Variants in SRBD1 observed in about 807,000 individuals in gnomAD.
SRBD1 encodes the protein S1 RNA binding domain 1, also known as S1 RNA-binding domain-containing protein 1.
Under a neutral mutation model 115.3 loss-of-function variants are expected in SRBD1, and 88 were observed. The ratio of observed to expected loss-of-function variants is 0.76; its 90% CI spans 0.64 to 0.91. The LOEUF (loss-of-function observed/expected upper bound fraction) is 0.91. Ranked by LOEUF, SRBD1 falls within the 40% of genes least tolerant of loss-of-function variation. SRBD1 has a pLI of 0.00. For missense variants in SRBD1, 1,385 were observed against 1,177.4 expected (o/e 1.18, Z -2.58); for synonymous variants, 509 against 407.7 (o/e 1.25, Z -2.99).
intron 16 of SRBD1, among the ~76,000 whole-genome samples, chr2:45,431,331 T>C (rs975983493): frequency 6.6e-6 from 1 of 152,104 alleles, no homozygotes; most frequent in Non-Finnish European, 1.5e-5. Context: ...TAAAGACACA[T>C]GCACACGTAT....
chr2:45,389,617 T>C lies in SRBD1; in HGVS notation c.2699-18A>G, dbSNP rs751296456. 7 of 1,604,746 alleles carry C rather than the reference T, an allele frequency of 4.4e-6. No homozygotes were observed. The highest frequency in any genetic ancestry group is 2.2e-5 in the East Asian group (1 of 44,772). ...ATCAAAATCTGTAAGAGAAAAAAAGTAAGTGTAAATAAGGCATTGTACTTC... is the reference window on the plus strand; with the variant it reads ...ATCAAAATCTGTAAGAGAAAAAAAGCAAGTGTAAATAAGGCATTGTACTTC... On this transcript the variant is annotated intron_variant, in intron 20 of 20. Transcript: ENST00000263736.
At chr2:45,418,850 C>G (rs925352045) in intron 17 of SRBD1, among the ~76,000 whole-genome samples, 3 of 152,058 alleles carry the variant, frequency 2.0e-5, no homozygotes, top group African/African-American at 7.2e-5. Flanking sequence ...ATTCACATTC[C>G]TTATGTTTCT....
At chr2:45,556,981 AAAAG>A (rs1031253196) in intron 10 of SRBD1, among the ~76,000 whole-genome samples, 4 of 152,194 alleles carry the variant, frequency 2.6e-5, no homozygotes, top group Admixed American at 2.0e-4. Flanking sequence ...AAGACTTCCC[AAAAG>A]AAACATCTGA....
chr2:45,392,030 A>G (rs1322707325), intron 20 of SRBD1, among the ~76,000 whole-genome samples: 2 of 152,138 alleles, frequency 1.3e-5, no homozygotes, highest in Non-Finnish European at 2.9e-5. Flanking sequence ...TGTCTGCTGA[A>G]ACATCCACAT....
Position 45,529,194 on chromosome 2 carries a change from G to C in SRBD1, c.1874+17538C>G, listed in dbSNP as rs550116168. ...AATGACAAAAAAGGATTCTGTGCAT[G>C]CACTAGATTTTGGAGACAAATATCC... On this transcript the variant is annotated intron_variant, in intron 14 of 20. Transcript: ENST00000263736. Among the ~76,000 whole-genome samples the C allele has an allele frequency of 1.4e-4, 21 of 151,962 alleles. No homozygotes were observed. In the South Asian group the frequency reaches 1.5e-3, roughly 11 times the overall value.
At chr2:45,490,363 A>G (rs1387643343) in intron 14 of SRBD1, among the ~76,000 whole-genome samples, 1 of 152,276 alleles carries the variant, frequency 6.6e-6, no homozygotes, top group Non-Finnish European at 1.5e-5. Context: ...AGCTGGTTCT[A>G]GCATTCATTG....
At chr2:45,419,135 A>C (rs970833239) in intron 17 of SRBD1, among the ~76,000 whole-genome samples, 1 of 152,228 alleles carries the variant, frequency 6.6e-6, no homozygotes, top group Non-Finnish European at 1.5e-5. Flanking sequence ...GAAATTATGA[A>C]ATGTTTGTAG....
chr2:45,479,325 T>A (rs1237705403), intron 15 of SRBD1, among the ~76,000 whole-genome samples: 2 of 152,036 alleles, frequency 1.3e-5, no homozygotes, highest in African/African-American at 2.4e-5. Flanking sequence ...TCAAAAGACA[T>A]GTTGAAAGCC....
intron 19 of SRBD1, among the ~76,000 whole-genome samples, chr2:45,411,603 A>G (rs1439718787): frequency 6.6e-6 from 1 of 152,126 alleles, no homozygotes; most frequent in Non-Finnish European, 1.5e-5. Flanking sequence ...GATAATAGAA[A>G]TGTTCCTGAT....
intron 15 of SRBD1, among the ~76,000 whole-genome samples, chr2:45,479,329 G>A (rs531782586): frequency 1.3e-5 from 2 of 152,212 alleles, no homozygotes; most frequent in East Asian, 1.9e-4. Flanking sequence ...AAGACATGTT[G>A]AAAGCCAAGA....
intron 16 of SRBD1, among the ~76,000 whole-genome samples, chr2:45,428,394 CA>C (rs1441604410): frequency 1.3e-5 from 2 of 152,090 alleles, no homozygotes; most frequent in African/African-American, 4.8e-5. Flanking sequence ...ACTAAAAAGA[CA>C]AAAAAGTTAG....
At chr2:45,485,749 A>T (rs929576537) in intron 15 of SRBD1, among the ~76,000 whole-genome samples, 2 of 152,212 alleles carry the variant, frequency 1.3e-5, no homozygotes, top group Admixed American at 1.3e-4. Flanking sequence ...ACTTAAAGGT[A>T]AAAAATCCAC....
At chr2:45,470,122 T>C (rs1468142903) in intron 16 of SRBD1, among the ~76,000 whole-genome samples, 2 of 152,226 alleles carry the variant, frequency 1.3e-5, no homozygotes, top group East Asian at 1.9e-4. Context: ...TTTAAAAGAT[T>C]TGAGCAAACA....
chr2:45,391,568 T>G (rs1447507762), intron 20 of SRBD1, among the ~76,000 whole-genome samples: 1 of 152,180 alleles, frequency 6.6e-6, no homozygotes, highest in Non-Finnish European at 1.5e-5. Context: ...TTCTCAGACA[T>G]TTTGAAAATT....
At chr2:45,559,815 T>C (rs559465336) in intron 10 of SRBD1, among the ~76,000 whole-genome samples, 2 of 152,306 alleles carry the variant, frequency 1.3e-5, no homozygotes, top group East Asian at 3.9e-4. Flanking sequence ...GGTTCATGCC[T>C]GGGGTGGTTC....
intron 10 of SRBD1, among the ~76,000 whole-genome samples, chr2:45,559,480 T>C (rs889176886): frequency 1.6e-4 from 25 of 152,304 alleles, no homozygotes; most frequent in African/African-American, 6.0e-4. Context: ...AATCTCAACA[T>C]ACTCGTAATG....
intron 16 of SRBD1, among the ~76,000 whole-genome samples, chr2:45,470,583 T>C (rs1288692641): frequency 6.6e-6 from 1 of 152,062 alleles, no homozygotes; most frequent in African/African-American, 2.4e-5. Flanking sequence ...GAAAACACAG[T>C]CCAAAGAAGA....
In SRBD1 at chr2:45,451,428, C is replaced by T. The variant is rs1403872236; in HGVS notation, c.2049+25565G>A. Among the ~76,000 whole-genome samples the T allele has an allele frequency of 2.0e-5, 3 of 151,998 alleles. No individual in the cohort carries two copies. The East Asian group carries it at 5.8e-4, about 29-fold the overall frequency. Reference sequence around the variant, plus strand: ...TTGCACCTTTCTTCCAAGAAAAAGTCCCTTATTGGCAATTATACAATAAAC... The same window carrying T: ...TTGCACCTTTCTTCCAAGAAAAAGTTCCTTATTGGCAATTATACAATAAAC... On this transcript the variant is annotated intron_variant, in intron 16 of 20. Coordinates refer to ENST00000263736, the MANE Select transcript of SRBD1 (RefSeq NM_018079.5).
chr2:45,520,701 G>C (rs1671256137), intron 14 of SRBD1, among the ~76,000 whole-genome samples: 3 of 152,174 alleles, frequency 2.0e-5, no homozygotes, highest in Admixed American at 6.5e-5. Context: ...AGGAGCATCT[G>C]AACACCAAGA....
Sources: allele counts gnomAD v4.1 joint callset (sites outside exome capture counted in the v4.1 genomes callset), GRCh38; gene constraint gnomAD v4.1.1; transcripts MANE v1.5; gene names NCBI Gene and HGNC (gene_info 2026-07-23, HGNC 2026-07-21).